Variants in ENAH observed in about 807,000 individuals in gnomAD.
ENAH encodes ENAH actin regulator.
ENAH carries 23 observed loss-of-function variants against 78.7 expected under a neutral mutation model. The observed-to-expected ratio is 0.29, with a 90% CI of 0.21 to 0.41. The LOEUF (loss-of-function observed/expected upper bound fraction) is 0.41. Among genes scored for constraint, ENAH ranks in the 10% least tolerant of loss-of-function variants. The pLI is 1.00. For missense variants in ENAH, 544 were observed against 691.0 expected (o/e 0.79, Z 2.39); for synonymous variants, 226 against 241.0 (o/e 0.94, Z 0.58).
At chr1:225,536,167 A>T (rs1558773769) in intron 3 of ENAH, among the ~76,000 whole-genome samples, 1 of 151,926 alleles carries the variant, frequency 6.6e-6, no homozygotes, top group Non-Finnish European at 1.5e-5. Flanking sequence ...TTTTTTTCTC[A>T]ATATATATAT....
In ENAH at chr1:225,488,422, C is replaced by G. The variant is rs1263830641; in HGVS notation, c.*9353G>C. 2 of 152,156 alleles carry G rather than the reference C, an allele frequency of 1.3e-5. No homozygotes were observed. Among genetic ancestry groups the G allele is most frequent in the African/African-American group, 2.4e-5 (1 of 41,428 alleles). The allele number at this position is 152,156 out of a possible 1,614,324, so 9.4% of individuals were successfully genotyped here. A position where few individuals can be genotyped will look rare whatever the true frequency, so the allele number is the denominator to read the frequency against. ...CTGAAGTTGTGCTCTGCTCACAGCACGAGTGTGGCTGTCCCTCTCTCGCTC... is the reference window on the plus strand; with the variant it reads ...CTGAAGTTGTGCTCTGCTCACAGCAGGAGTGTGGCTGTCCCTCTCTCGCTC... On this transcript the variant is annotated 3_prime_UTR_variant, in exon 14 of 14. Coordinates refer to ENST00000366843, the MANE Select transcript of ENAH (RefSeq NM_018212.6).
At chr1:225,549,895 T>C (rs1393428977) in intron 3 of ENAH, among the ~76,000 whole-genome samples, 5 of 152,192 alleles carry the variant, frequency 3.3e-5, no homozygotes, top group African/African-American at 4.8e-5. Flanking sequence ...TACAACAGTG[T>C]CCTGAATTGA....
intron 1 of ENAH, among the ~76,000 whole-genome samples, chr1:225,586,124 G>A (rs1287525815): frequency 7.2e-5 from 11 of 151,848 alleles, no homozygotes; most frequent in Non-Finnish European, 1.6e-4. Flanking sequence ...GATGAGGCTG[G>A]AGGATCAGCT....
intron 1 of ENAH, among the ~76,000 whole-genome samples, chr1:225,582,509 TCCAACAGAAACC>T (rs1488360055): frequency 7.2e-5 from 11 of 152,042 alleles, no homozygotes; most frequent in African/African-American, 2.7e-4. Flanking sequence ...GAGCTAAAAC[TCCAACAGAAACC>T]CCCACAGACT....
chr1:225,616,430 T>G (rs1655705463), intron 1 of ENAH, among the ~76,000 whole-genome samples: 1 of 152,030 alleles, frequency 6.6e-6, no homozygotes, highest in Admixed American at 6.5e-5. Flanking sequence ...TTAAATAATG[T>G]TGAGAAAAAA....
intron 4 of ENAH, among the ~76,000 whole-genome samples, chr1:225,528,711 A>G (rs1053092639): frequency 6.6e-6 from 1 of 152,212 alleles, no homozygotes; most frequent in East Asian, 1.9e-4. Flanking sequence ...GGTAGGAGTT[A>G]TATGTTTAGA....
intron 1 of ENAH, among the ~76,000 whole-genome samples, chr1:225,633,443 T>G (rs565784811): frequency 1.3e-5 from 2 of 152,274 alleles, no homozygotes; most frequent in East Asian, 3.9e-4. Context: ...GAGACAGCAT[T>G]GGATGTGATC....
chr1:225,610,214 G>A (rs1040332146), intron 1 of ENAH, among the ~76,000 whole-genome samples: 14 of 150,620 alleles, frequency 9.3e-5, no homozygotes, highest in Admixed American at 2.6e-4. Context: ...ATGTACTAAC[G>A]TGATTTTCTC....
At chr1:225,570,418 T>C (rs1335911776) in intron 1 of ENAH, among the ~76,000 whole-genome samples, 1 of 151,714 alleles carries the variant, frequency 6.6e-6, no homozygotes, top group Non-Finnish European at 1.5e-5. Flanking sequence ...TTCAGTATTT[T>C]TTCCAGTGTT....
rs148189335 is a variant in ENAH, at chr1:225,581,248, C to T, written c.6-13834G>A. 1.0e-5 allele frequency: 10 copies of T among 980,368 alleles called. No homozygotes were observed. The Admixed American group carries it at 6.1e-4, about 60-fold the overall frequency. 60.7% of individuals were successfully genotyped at this position (980,368 alleles called of 1,614,324 possible). On this transcript the variant is annotated intron_variant, in intron 1 of 13. Transcript: ENST00000366843. The stretch of plus-strand genomic sequence containing the variant: ...TTCTCAGTAACTGAATAGATTATTT[C>T]ACCTGTTTCCTGTAGTTCTTCTTTT...
At chr1:225,651,931 C>T (rs1272701002) in intron 1 of ENAH, among the ~76,000 whole-genome samples, 3 of 152,112 alleles carry the variant, frequency 2.0e-5, no homozygotes, top group African/African-American at 7.2e-5. Context: ...TTCAATTCTT[C>T]GGGGCCGCAA....
chr1:225,621,098 C>T (rs1332090825), intron 1 of ENAH, among the ~76,000 whole-genome samples: 1 of 152,136 alleles, frequency 6.6e-6, no homozygotes, highest in Non-Finnish European at 1.5e-5. Context: ...AAATGTGTCC[C>T]GAATTAAAAC....
chr1:225,629,522 G>A (rs1272227999), intron 1 of ENAH, among the ~76,000 whole-genome samples: 2 of 151,732 alleles, frequency 1.3e-5, no homozygotes, highest in African/African-American at 2.4e-5. Context: ...GGGAAGCGGA[G>A]GTTGCAGTGA....
intron 1 of ENAH, among the ~76,000 whole-genome samples, chr1:225,624,667 AAAAT>A (rs1379524233): frequency 3.9e-5 from 6 of 151,934 alleles, no homozygotes; most frequent in African/African-American, 1.5e-4. Flanking sequence ...AAATATTTTA[AAAAT>A]AAATAAAAAT....
chr1:225,503,672 A>AAC (rs1553413060), intron 11 of ENAH, among the ~76,000 whole-genome samples: 1 of 150,000 alleles, frequency 6.7e-6, no homozygotes, highest in African/African-American at 2.4e-5. Context: ...AAAAAAAAAA[A>AAC]AAAAAACACA....
At chr1:225,620,025 A>C (rs1368689898) in intron 1 of ENAH, among the ~76,000 whole-genome samples, 1 of 152,182 alleles carries the variant, frequency 6.6e-6, no homozygotes, top group African/African-American at 2.4e-5. Flanking sequence ...ACATACTTCA[A>C]GGATACGATG....
intron 4 of ENAH, among the ~76,000 whole-genome samples, chr1:225,527,055 G>A (rs2096510872): frequency 6.6e-6 from 1 of 152,156 alleles, no homozygotes; most frequent in African/African-American, 2.4e-5. Context: ...GGCTCTACAG[G>A]TCTGGCTGCC....
chr1:225,503,986 G>A (rs1025406932), intron 11 of ENAH, among the ~76,000 whole-genome samples: 1 of 150,048 alleles, frequency 6.7e-6, no homozygotes, highest in Non-Finnish European at 1.5e-5. Context: ...CAAAATGAGG[G>A]TTTCTCAGGT....
intron 2 of ENAH, among the ~76,000 whole-genome samples, chr1:225,562,368 C>G (rs529783519): frequency 1.2e-4 from 18 of 151,502 alleles, no homozygotes; most frequent in African/African-American, 4.1e-4. Flanking sequence ...GTCAGGAGAT[C>G]GAGACCATCC....
Sources: gnomAD v4.1 joint callset for allele counts (sites outside exome capture counted in the v4.1 genomes callset) on GRCh38, gnomAD v4.1.1 for gene constraint, MANE v1.5 for transcripts, NCBI Gene and HGNC (gene_info 2026-07-23, HGNC 2026-07-21) for gene names.